ANKRD27: variants seen among roughly 807,000 people sequenced by gnomAD.
The protein encoded by ANKRD27 is ankyrin repeat domain-containing protein 27.
In ANKRD27, 112 loss-of-function variants were observed where a neutral mutation model predicts 129.7. The observed-to-expected ratio is 0.86, with a 90% CI of 0.74 to 1.01. The LOEUF is 1.01. Among genes scored for constraint, ANKRD27 ranks in the 50% least tolerant of loss-of-function variants. ANKRD27 has a pLI of 0.00. For missense variants in ANKRD27, 1,258 were observed against 1,300.5 expected (o/e 0.97, Z 0.50); for synonymous variants, 516 against 511.2 (o/e 1.01, Z -0.13).
At chr19:32,626,013 G>C in intron 16 of ANKRD27, 47 bp from the exon 17 acceptor site, 1 of 1,496,890 alleles carries the variant, frequency 6.7e-7, no homozygotes, top group South Asian at 1.3e-5. Flanking sequence ...CCGGCTCCCT[G>C]GGAGGCCCGG....
At position 32,605,329 on chromosome 19, in the gene ANKRD27, T is replaced by C. The variant is rs147301651; in HGVS notation, c.2493+506A>G. On this transcript the variant is annotated intron_variant, in intron 24 of 28. Coordinates refer to ENST00000306065, the MANE Select transcript of ANKRD27 (RefSeq NM_032139.3). Reference sequence around the variant, plus strand: ...GCTGCAGTGAGCTGTGAGGGTGCCATTGCATTCCAGCCTGGGCCACAGAGC... The same window carrying C: ...GCTGCAGTGAGCTGTGAGGGTGCCACTGCATTCCAGCCTGGGCCACAGAGC... Among the ~76,000 whole-genome samples the C allele has an allele frequency of 3.9e-3, 590 of 152,232 alleles. 4 individuals are homozygous for C. Among genetic ancestry groups the C allele is most frequent in the African/African-American group, 0.01 (427 of 41,550 alleles).
At chr19:32,674,054 G>A (rs905035951) in intron 1 of ANKRD27, among the ~76,000 whole-genome samples, 43 of 152,036 alleles carry the variant, frequency 2.8e-4, no homozygotes, top group African/African-American at 9.9e-4. Flanking sequence ...CTACTACAGA[G>A]GCTGAGGTGA....
intron 12 of ANKRD27, among the ~76,000 whole-genome samples, chr19:32,634,549 C>G (rs1179257612): frequency 6.6e-6 from 1 of 152,174 alleles, no homozygotes; most frequent in Non-Finnish European, 1.5e-5. Context: ...CCAAACTAAA[C>G]ACTATCCTTA....
At chr19:32,639,152 G>A (rs542047677) in intron 12 of ANKRD27, 1 of 598,884 alleles carries the variant, frequency 1.7e-6, no homozygotes, top group South Asian at 2.2e-5. Context: ...AAATCCCAAT[G>A]ATAACCCACC....
rs530171965 is a variant in ANKRD27, at chr19:32,643,728, C to T, written c.526-97G>A. 31 of 1,284,988 alleles carry T rather than the reference C, an allele frequency of 2.4e-5. No individual in the cohort carries two copies. In the South Asian group the frequency reaches 2.9e-4, roughly 12 times the overall value. The allele number at this position is 1,284,988 out of a possible 1,614,324, so 79.6% of individuals were successfully genotyped here. ...AGGCGCACAGAGCTTCAAGTGCTAA[C>T]ACAAGCTTTATGAAGTCAATTACGT... is the stretch of plus-strand genomic sequence containing the variant. On this transcript the variant is annotated intron_variant, in intron 5 of 28. Transcript: ENST00000306065.
chr19:32,626,073 T>C, intron 16 of ANKRD27, 107 bp from the exon 17 acceptor site: 1 of 765,796 alleles, frequency 1.3e-6, no homozygotes, highest in Non-Finnish European at 2.0e-6. Flanking sequence ...TCGATCTTAT[T>C]TATGCTACTA....
In ANKRD27 at chr19:32,643,410, G is replaced by A. The variant is rs750222068; in HGVS notation, c.639+21C>T. 7 of 1,613,734 alleles carry A rather than the reference G, an allele frequency of 4.3e-6. No homozygotes were observed. In the South Asian group the frequency reaches 5.5e-5, roughly 13 times the overall value. On this transcript the variant is annotated intron_variant, in intron 7 of 28. Transcript: ENST00000306065. ...AGCGGGCAACAGGGTGTGCCTCCCA[G>A]CCACTCCGCCCCACCCTCACCTCCA...
chr19:32,674,713 C>T (rs1967947990), intron 1 of ANKRD27, among the ~76,000 whole-genome samples: 1 of 152,038 alleles, frequency 6.6e-6, no homozygotes, highest in African/African-American at 2.4e-5. Flanking sequence ...CTCCGGGAAA[C>T]CGCGCGGCGA....
intron 1 of ANKRD27, among the ~76,000 whole-genome samples, chr19:32,674,559 G>T (rs1967941496): frequency 1.1e-5 from 1 of 92,834 alleles, no homozygotes; most frequent in African/African-American, 4.2e-5. Flanking sequence ...CTTTACCTGT[G>T]GGAATGCAGA....
intron 25 of ANKRD27, among the ~76,000 whole-genome samples, chr19:32,604,002 TGA>T (rs57651676): frequency 0.16 from 24,005 of 151,150 alleles, 2,167 homozygotes; most frequent in African/African-American, 0.26. Context: ...TACTGCTAGC[TGA>T]GGGGGGGGCC....
At chr19:32,674,650 T>C (rs1037149802) in intron 1 of ANKRD27, among the ~76,000 whole-genome samples, 18 of 151,394 alleles carry the variant, frequency 1.2e-4, no homozygotes, top group Admixed American at 6.6e-5. Flanking sequence ...CCACAACCGC[T>C]GCGCGCGCGG....
chr19:32,640,081 C>T (rs1052177862), intron 11 of ANKRD27, among the ~76,000 whole-genome samples: 4 of 152,182 alleles, frequency 2.6e-5, no homozygotes, highest in Admixed American at 6.5e-5. Flanking sequence ...CCTGCCTCAG[C>T]CTCCTGAGTA....
chr19:32,612,315 T>C (rs1313459251), intron 22 of ANKRD27, among the ~76,000 whole-genome samples: 1 of 152,212 alleles, frequency 6.6e-6, no homozygotes, highest in African/African-American at 2.4e-5. Context: ...AGTTCATCTA[T>C]AGGTTTAATG....
rs866394508 is a variant in ANKRD27 at position 32,659,103 on chromosome 19, A to G, written c.-30-58T>C. 3.5e-4 allele frequency: 293 copies of G among 847,692 alleles called. 2 individuals are homozygous for G. The Middle Eastern group carries it at 5.6e-3, about 16-fold the overall frequency. The allele number at this position is 847,692 out of a possible 1,614,324, so 52.5% of individuals were successfully genotyped here. A position where few individuals can be genotyped will look rare whatever the true frequency, so the allele number is the denominator to read the frequency against. On this transcript the variant is annotated intron_variant, in intron 1 of 28. Transcript: ENST00000306065. ...CATTTTCGAGTTTACGTAACACATG[A>G]AAGTCTGCATCTGATGCATCTGGCA...
At chr19:32,673,328 C>G (rs1486759735) in intron 1 of ANKRD27, 1 of 985,930 alleles carries the variant, frequency 1.0e-6, no homozygotes, top group Non-Finnish European at 1.2e-6. Flanking sequence ...TCCTGCATCC[C>G]CTCCTTCCAA....
intron 18 of ANKRD27, among the ~76,000 whole-genome samples, chr19:32,621,064 G>C (rs751882032): frequency 3.9e-5 from 6 of 151,984 alleles, no homozygotes; most frequent in Admixed American, 6.6e-5. Context: ...TCAATAAAGA[G>C]GTTTAGAGAA....
chr19:32,605,323 G>A (rs1297929407), intron 24 of ANKRD27, among the ~76,000 whole-genome samples: 1 of 152,108 alleles, frequency 6.6e-6, no homozygotes, highest in Non-Finnish European at 1.5e-5. Flanking sequence ...AGCTGTGAGG[G>A]TGCCATTGCA....
At position 32,599,849 on chromosome 19, in the gene ANKRD27, C is replaced by G. The variant is rs1375816248; in HGVS notation, c.2847-73G>C. On this transcript the variant is annotated intron_variant, in intron 27 of 28. Coordinates refer to ENST00000306065, the MANE Select transcript of ANKRD27 (RefSeq NM_032139.3). ...AACACTCTGGTTGGCCACAAGGTGGCAGCATTTTTGACATTAGTAGGTGCA... is the reference window on the plus strand; with the variant it reads ...AACACTCTGGTTGGCCACAAGGTGGGAGCATTTTTGACATTAGTAGGTGCA... 8 of 1,563,162 alleles carry G rather than the reference C, an allele frequency of 5.1e-6. No homozygotes were observed. The African/African-American group carries it at 9.5e-5, about 19-fold the overall frequency.
intron 12 of ANKRD27, among the ~76,000 whole-genome samples, chr19:32,635,740 G>T (rs1967076602): frequency 6.6e-6 from 1 of 152,088 alleles, no homozygotes; most frequent in Non-Finnish European, 1.5e-5. Context: ...TGGCAGCTGA[G>T]TGGGGTGATT....
Sources: allele counts gnomAD v4.1 joint callset (sites outside exome capture counted in the v4.1 genomes callset), GRCh38; gene constraint gnomAD v4.1.1; transcripts MANE v1.5; gene names NCBI Gene and HGNC (gene_info 2026-07-23, HGNC 2026-07-21).